The following RSRC2 variants were observed in gnomAD, a reference collection of about 807,000 sequenced individuals.
RSRC2 encodes arginine/serine-rich coiled-coil protein 2.
RSRC2 carries 5 observed loss-of-function variants against 61.3 expected under a neutral mutation model. That is an observed-to-expected ratio of 0.08 (90% CI 0.04 to 0.17). The LOEUF is 0.17. Ranked by LOEUF, RSRC2 falls within the 10% of genes least tolerant of loss-of-function variation. The pLI, the probability that RSRC2 is intolerant of heterozygous loss-of-function variation, is 1.00. For synonymous variants in RSRC2, 202 were observed against 166.5 expected (o/e 1.21, Z -1.64); for missense variants, 381 against 518.8 (o/e 0.73, Z 2.58).
rs1486875882 is a variant in RSRC2 at position 122,503,572 on chromosome 12, C to A, written c.*1955G>T. On this transcript the variant is annotated 3_prime_UTR_variant, in exon 10 of 10. Transcript: ENST00000331738. The stretch of plus-strand genomic sequence containing the variant: ...ACTGTAGACACACAGGAAGCTTTTG[C>A]GTCCACACTGCCTTAGAAGGTCATG... 6.6e-6 allele frequency: 1 copy of A among 152,158 alleles called. No individual in the cohort carries two copies. Among genetic ancestry groups the A allele is most frequent in the Admixed American group, 6.5e-5 (1 of 15,272 alleles). 9.4% of individuals were successfully genotyped at this position (152,158 alleles called of 1,614,324 possible). A position where few individuals can be genotyped will look rare whatever the true frequency, so the allele number is the denominator to read the frequency against.
chr12:122,510,944 T>C (rs1243655775), intron 7 of RSRC2, among the ~76,000 whole-genome samples, 165 bp downstream of exon 7: 3 of 151,984 alleles, frequency 2.0e-5, no homozygotes, highest in Non-Finnish European at 2.9e-5. Flanking sequence ...AGCTACTCGG[T>C]AGGCTGAGGT....
chr12:122,511,513 A>G (rs538379210), intron 6 of RSRC2, among the ~76,000 whole-genome samples: 1 of 152,388 alleles, frequency 6.6e-6, no homozygotes, highest in African/African-American at 2.4e-5. Context: ...TAAATTTTAG[A>G]GCATGGTTAA....
chr12:122,509,921 C>T (rs1384809572), intron 7 of RSRC2, among the ~76,000 whole-genome samples: 2 of 152,108 alleles, frequency 1.3e-5, no homozygotes, highest in Non-Finnish European at 2.9e-5. Flanking sequence ...TCACTGCAAC[C>T]TCTACCTCCC....
intron 5 of RSRC2, among the ~76,000 whole-genome samples, chr12:122,516,201 C>A (rs2137497425): frequency 6.6e-6 from 1 of 152,268 alleles, no homozygotes; most frequent in Admixed American, 6.5e-5. Flanking sequence ...CTTTCATACA[C>A]TGACCTAAGT....
intron 4 of RSRC2, among the ~76,000 whole-genome samples, chr12:122,518,243 T>C (rs774775828): frequency 1.2e-4 from 19 of 152,044 alleles, no homozygotes; most frequent in Non-Finnish European, 1.9e-4. Flanking sequence ...GAGGCTGCAG[T>C]GTGCTGAGAG....
At chr12:122,513,254 T>TA (rs1316871139) in intron 6 of RSRC2, among the ~76,000 whole-genome samples, 11 of 138,022 alleles carry the variant, frequency 8.0e-5, no homozygotes, top group African/African-American at 3.1e-4. Flanking sequence ...TAAAATAAAA[T>TA]AAAAATAAAA....
At chr12:122,515,972 G>C (rs903350234) in intron 5 of RSRC2, among the ~76,000 whole-genome samples, 8 of 152,132 alleles carry the variant, frequency 5.3e-5, no homozygotes, top group African/African-American at 1.9e-4. Flanking sequence ...CTGGGCGACA[G>C]AGTGAGACTC....
chr12:122,507,122 A>T (rs1030224418), intron 8 of RSRC2, 199 bp from the exon 9 acceptor site: 2 of 586,746 alleles, frequency 3.4e-6, no homozygotes, highest in Non-Finnish European at 6.1e-6. Flanking sequence ...TCACTCCTAT[A>T]ATCCCAGCAC....
At chr12:122,517,553 T>C in intron 4 of RSRC2, 123 bp from the exon 5 acceptor site, 1 of 1,156,024 alleles carries the variant, frequency 8.7e-7, no homozygotes, top group Non-Finnish European at 1.2e-6. Flanking sequence ...CTATATTATT[T>C]ACAGAAATAA....
At chr12:122,514,604 C>T (rs1958773068) in intron 6 of RSRC2, 1 of 1,027,052 alleles carries the variant, frequency 9.7e-7, no homozygotes, top group Non-Finnish European at 1.2e-6. Flanking sequence ...AAAAAGTTCT[C>T]CCATAGTTAC....
chr12:122,509,713 TTA>T (rs1247748528), intron 7 of RSRC2, among the ~76,000 whole-genome samples: 3 of 152,294 alleles, frequency 2.0e-5, no homozygotes, highest in African/African-American at 4.8e-5. Flanking sequence ...TTGTAAACTT[TTA>T]GAGTTTCAAA....
intron 8 of RSRC2, among the ~76,000 whole-genome samples, chr12:122,507,413 A>T (rs1217413500): frequency 2.0e-5 from 3 of 151,814 alleles, no homozygotes; most frequent in African/African-American, 7.3e-5. Context: ...AAAAAAATGG[A>T]TTATTTTCCT....
intron 3 of RSRC2, chr12:122,520,717 TAGGAGTCCCTTACCC>T: frequency 2.1e-6 from 1 of 465,778 alleles, no homozygotes; most frequent in South Asian, 1.7e-5. Flanking sequence ...ACTCTTGTTT[TAGGAGTCCCTTACCC>T]AGCCCCCACA....
chr12:122,520,470 A>T, intron 3 of RSRC2: 1 of 1,127,566 alleles, frequency 8.9e-7, no homozygotes, highest in South Asian at 1.2e-5. Context: ...AGATATATTT[A>T]AGGGAAATAG....
At chr12:122,513,876 T>C (rs1389278408) in intron 6 of RSRC2, 1 of 894,904 alleles carries the variant, frequency 1.1e-6, no homozygotes, top group East Asian at 1.2e-4. Flanking sequence ...CCGTCTTCTC[T>C]ACAAAAAATA....
intron 7 of RSRC2, among the ~76,000 whole-genome samples, chr12:122,509,564 T>TC (rs1793378612): frequency 6.6e-6 from 1 of 152,134 alleles, no homozygotes; most frequent in African/African-American, 2.4e-5. Flanking sequence ...GATTGAGCAG[T>TC]CCTCTGTAAA....
chr12:122,507,359 G>GTGAC (rs1223172512), intron 8 of RSRC2: 1 of 165,214 alleles, frequency 6.1e-6, no homozygotes, highest in African/African-American at 2.4e-5. Context: ...TCCAGCCTGG[G>GTGAC]TGACAAGAGC....
Position 122,508,509 on chromosome 12 carries a change from T to C in RSRC2, c.806-62A>G, listed in dbSNP as rs1958269032. 7.9e-6 allele frequency: 10 copies of C among 1,269,000 alleles called. No individual in the cohort carries two copies. In the South Asian group the frequency reaches 1.3e-4, roughly 16 times the overall value. The allele number at this position is 1,269,000 out of a possible 1,614,324, so 78.6% of individuals were successfully genotyped here. ...ATTTTAAAACATAAACCTCCTGATT[T>C]ACATTAACGAACGATTTATAAAAAG... On this transcript the variant is annotated intron_variant, in intron 7 of 9. Coordinates refer to ENST00000331738, the MANE Select transcript of RSRC2 (RefSeq NM_023012.6).
chr12:122,517,114 C>T (rs1212129041), intron 5 of RSRC2, 113 bp downstream of exon 5: 3 of 1,468,892 alleles, frequency 2.0e-6, no homozygotes, highest in East Asian at 2.4e-5. Flanking sequence ...AATAATTTTA[C>T]CATAATCTAT....
Sources: gnomAD v4.1 joint callset for allele counts (sites outside exome capture counted in the v4.1 genomes callset) on GRCh38, gnomAD v4.1.1 for gene constraint, MANE v1.5 for transcripts, NCBI Gene and HGNC (gene_info 2026-07-23, HGNC 2026-07-21) for gene names.